ANK1: variants seen among roughly 807,000 people sequenced by gnomAD.
ANK1 encodes ankyrin-1.
A neutral mutation model predicts 210.4 loss-of-function variants in ANK1; 51 were observed. The observed-to-expected ratio is 0.24, with a 90% CI of 0.19 to 0.31. ANK1 has a LOEUF of 0.31. ANK1 is among the 10% of genes least tolerant of loss of function. The pLI, the probability that ANK1 is intolerant of heterozygous loss-of-function variation, is 1.00. For missense variants in ANK1, 2,051 were observed against 2,504.4 expected, an observed-to-expected ratio of 0.82 and a Z score of 3.86; for synonymous variants, 967 against 1,025.9, an observed-to-expected ratio of 0.94 and a Z score of 1.10.
chr8:41,863,300 A>C (rs1813667599), intron 1 of ANK1, among the ~76,000 whole-genome samples: 1 of 152,052 alleles, frequency 6.6e-6, no homozygotes, highest in South Asian at 2.1e-4. Flanking sequence ...CAGAGTTTGC[A>C]GTGAGCCGAG....
At chr8:41,852,418 G>GT (rs1811424518) in intron 1 of ANK1, among the ~76,000 whole-genome samples, 3 of 152,214 alleles carry the variant, frequency 2.0e-5, no homozygotes, top group Admixed American at 6.5e-5. Context: ...ACTTGCGAGA[G>GT]GCTCTGCTGA....
intron 1 of ANK1, among the ~76,000 whole-genome samples, chr8:41,831,031 T>C (rs181774162): frequency 6.6e-6 from 1 of 152,140 alleles, no homozygotes; most frequent in East Asian, 1.9e-4. Context: ...ACGGATCCCA[T>C]GAGAATAAGC....
intron 2 of ANK1, among the ~76,000 whole-genome samples, chr8:41,740,632 G>C (rs142016586): frequency 7.2e-5 from 11 of 152,058 alleles, no homozygotes; most frequent in Non-Finnish European, 1.2e-4. Context: ...CTAGGTCTAC[G>C]GTCTAAGGAT....
chr8:41,717,554 T>A, intron 12 of ANK1, 50 bp downstream of exon 12: 1 of 1,492,720 alleles, frequency 6.7e-7, no homozygotes, highest in Non-Finnish European at 9.1e-7. Flanking sequence ...AAAGCTGCCC[T>A]CTGAGCTCTT....
At chr8:41,738,018 A>G (rs958817144) in intron 2 of ANK1, among the ~76,000 whole-genome samples, 1 of 152,244 alleles carries the variant, frequency 6.6e-6, no homozygotes, top group Admixed American at 6.5e-5. Flanking sequence ...TGCATAAAAA[A>G]TAAATGCAAA....
intron 39 of ANK1, chr8:41,664,669 T>C: frequency 1.2e-6 from 1 of 861,560 alleles, no homozygotes; most frequent in Non-Finnish European, 1.8e-6. Flanking sequence ...TGGAACATGA[T>C]CCCTGGGGGC....
At chr8:41,766,709 C>T (rs961157176) in intron 1 of ANK1, among the ~76,000 whole-genome samples, 1 of 152,236 alleles carries the variant, frequency 6.6e-6, no homozygotes. Flanking sequence ...GGCCCCAAAC[C>T]TCCATTTCCC....
chr8:41,727,472 T>C, intron 4 of ANK1, 124 bp from the exon 5 acceptor site: 1 of 758,264 alleles, frequency 1.3e-6, no homozygotes, highest in Non-Finnish European at 2.3e-6. Context: ...ACCTGACCCC[T>C]CCTAAGGAAA....
chr8:41,840,082 G>A (rs1044022002), intron 1 of ANK1: 1 of 150,826 alleles, frequency 6.6e-6, no homozygotes. Flanking sequence ...TCACTACATT[G>A]CCCAGGCTGG....
Position 41,664,668 on chromosome 8 carries a change from A to T in ANK1, c.5395-926T>A, listed in dbSNP as rs1809759798. On this transcript the variant is annotated intron_variant, in intron 39 of 42. Coordinates refer to ENST00000289734, the MANE Select transcript of ANK1 (RefSeq NM_000037.4). ...ACTCTGGCTCCCAGGGTGGAACATG[A>T]TCCCTGGGGGCCTCCTGGTCCTTTT... 3 of 849,520 alleles carry T rather than the reference A, an allele frequency of 3.5e-6. No homozygotes were observed. The East Asian group carries it at 8.0e-5, about 23-fold the overall frequency. 52.6% of individuals were successfully genotyped at this position (849,520 alleles called of 1,614,324 possible).
At chr8:41,660,748 C>T (rs1021972622) in intron 42 of ANK1, among the ~76,000 whole-genome samples, 11 of 152,200 alleles carry the variant, frequency 7.2e-5, no homozygotes, top group East Asian at 1.9e-4. Context: ...TTAGGCCTGT[C>T]GGCTCAGCCC....
chr8:41,686,302 C>T lies in ANK1; in HGVS notation c.4259-19G>A, dbSNP rs762742420. 4 of 1,613,000 alleles carry T rather than the reference C, an allele frequency of 2.5e-6. No individual in the cohort carries two copies. Among genetic ancestry groups the T allele is most frequent in the Non-Finnish European group, 3.4e-6 (4 of 1,179,988 alleles). ...GCCAACTCTGCAAGCAAAGAACCAA[C>T]AGCAGATGTGAGCCTCCAGCTCACC... On this transcript the variant is annotated intron_variant, in intron 35 of 42. Transcript: ENST00000289734.
chr8:41,797,558 C>G lies in ANK1; in HGVS notation c.-20G>C, dbSNP rs1300410451. The G allele has an allele frequency of 1.9e-6, 3 of 1,613,308 alleles. No individual in the cohort carries two copies. Among genetic ancestry groups the G allele is most frequent in the Non-Finnish European group, 2.5e-6 (3 of 1,179,824 alleles). On this transcript the variant is annotated 5_prime_UTR_variant, in exon 1 of 43. Transcript: ENST00000289734. The surrounding 1 kb of genome is among the most constrained non-coding windows in gnomAD (Gnocchi z 4.0). ...GGGCATGCCGGTCTTTCAGCAGGGG[C>G]CCGCCGAAGGGCCTTGGGGGCTTGA...
chr8:41,747,973 G>A (rs1381267644), intron 2 of ANK1, among the ~76,000 whole-genome samples: 1 of 152,186 alleles, frequency 6.6e-6, no homozygotes, highest in Non-Finnish European at 1.5e-5. Flanking sequence ...TCCATCCTCT[G>A]AGTCAGTACA....
At chr8:41,708,710 G>C in intron 17 of ANK1, 68 bp downstream of exon 17, 2 of 1,560,374 alleles carry the variant, frequency 1.3e-6, no homozygotes, top group Non-Finnish European at 1.8e-6. Context: ...ACACATAGAT[G>C]CTCAATATGA....
chr8:41,787,122 C>T (rs987803552), intron 1 of ANK1, among the ~76,000 whole-genome samples: 1 of 152,156 alleles, frequency 6.6e-6, no homozygotes, highest in Non-Finnish European at 1.5e-5. Flanking sequence ...GGGTGAGGAG[C>T]TGGGAAGCTG....
At chr8:41,810,069 G>C (rs948748352) in intron 1 of ANK1, among the ~76,000 whole-genome samples, 1 of 152,172 alleles carries the variant, frequency 6.6e-6, no homozygotes, top group African/African-American at 2.4e-5. Flanking sequence ...TTCGCTTCAG[G>C]TTCCCCTAAA....
At chr8:41,661,812 T>C (rs1355898313) in intron 41 of ANK1, 64 bp downstream of exon 41, 4 of 1,613,790 alleles carry the variant, frequency 2.5e-6, no homozygotes, top group Non-Finnish European at 3.4e-6. Flanking sequence ...TTGGAGTGTT[T>C]CATAAAGTAA....
intron 1 of ANK1, among the ~76,000 whole-genome samples, chr8:41,766,188 C>A (rs1841743018): frequency 1.3e-5 from 2 of 152,198 alleles, no homozygotes; most frequent in Non-Finnish European, 2.9e-5. Flanking sequence ...GGGGGACCTG[C>A]AGCCCAGCCA....
Sources: gnomAD v4.1 joint callset for allele counts (sites outside exome capture counted in the v4.1 genomes callset) on GRCh38, gnomAD v4.1.1 for gene constraint, Gnocchi (gnomAD v3.1) non-coding constraint, MANE v1.5 for transcripts, NCBI Gene and HGNC (gene_info 2026-07-23, HGNC 2026-07-21) for gene names.